POT1: variants seen among roughly 807,000 people sequenced by gnomAD.
The protein encoded by POT1 is protection of telomeres 1, also known as protection of telomeres protein 1.
POT1 carries 47 observed loss-of-function variants against 78.5 expected under a neutral mutation model. That is an observed-to-expected ratio of 0.60 (90% CI 0.47 to 0.76). POT1 has a LOEUF of 0.76. Ranked by LOEUF, POT1 falls within the 30% of genes least tolerant of loss-of-function variation. POT1 has a pLI of 0.00. For missense variants in POT1, 646 were observed against 749.9 expected, an observed-to-expected ratio of 0.86 and a Z score of 1.62; for synonymous variants, 259 against 260.7, an observed-to-expected ratio of 0.99 and a Z score of 0.06.
At chr7:124,889,030 A>C (rs1796308834) in intron 6 of POT1, among the ~76,000 whole-genome samples, 1 of 151,968 alleles carries the variant, frequency 6.6e-6, no homozygotes, top group Non-Finnish European at 1.5e-5. Context: ...AAAGTTACAA[A>C]TGATGAAGCT....
intron 6 of POT1, among the ~76,000 whole-genome samples, chr7:124,873,963 A>G (rs998916320): frequency 4.6e-5 from 7 of 152,182 alleles, no homozygotes; most frequent in Non-Finnish European, 1.0e-4. Context: ...GGGTGAGAGT[A>G]AAAAGTAGGG....
At chr7:124,908,018 T>C (rs1796805882) in intron 3 of POT1, among the ~76,000 whole-genome samples, 1 of 152,006 alleles carries the variant, frequency 6.6e-6, no homozygotes. Context: ...TTGCTAATTT[T>C]TAACAAATAA....
Position 124,851,898 on chromosome 7 carries a change from T to G in POT1, c.923A>C (p.Gln308Pro). 1 of 1,611,056 alleles carries G rather than the reference T, an allele frequency of 6.2e-7. No homozygotes were observed. Among genetic ancestry groups the G allele is most frequent in the Non-Finnish European group, 8.5e-7 (1 of 1,177,490 alleles). ...TANQHSDVICQSEPDDSFPSS... is the reference protein window; with the variant it reads ...TANQHSDVICPSEPDDSFPSS... ...TGGAAAGCTGTCGTCAGGTTCTGAT[T>G]GACAGATAACATCTGAATGCTGATT... The change falls in exon 11 of 19, where the codon CAA (glutamine) becomes CCA (proline). Residue 308 changes from glutamine to proline, a missense_variant. By Grantham distance (76) the Gln-to-Pro change is moderately conservative (BLOSUM62 -1). This residue lies in a region of POT1 where 394 missense variants were observed against 408.4 expected (regional missense o/e 0.96). Transcript: ENST00000357628.
intron 2 of POT1, among the ~76,000 whole-genome samples, chr7:124,927,968 C>T (rs767324616): frequency 4.6e-5 from 7 of 152,130 alleles, no homozygotes; most frequent in Non-Finnish European, 8.8e-5. Flanking sequence ...TTCATATCAT[C>T]AATATGATCT....
At chr7:124,829,101 T>C in intron 16 of POT1, 153 bp downstream of exon 16, 1 of 763,524 alleles carries the variant, frequency 1.3e-6, no homozygotes, top group South Asian at 1.4e-5. Context: ...TTGGCAGATA[T>C]CTTTAAATTT....
intron 9 of POT1, among the ~76,000 whole-genome samples, chr7:124,855,092 G>A (rs952405040): frequency 6.6e-6 from 1 of 151,176 alleles, no homozygotes; most frequent in Non-Finnish European, 1.5e-5. Context: ...ATACGAAAGA[G>A]AACAGTCAAA....
intron 6 of POT1, among the ~76,000 whole-genome samples, chr7:124,889,140 T>C (rs1796310704): frequency 1.3e-5 from 2 of 152,008 alleles, no homozygotes; most frequent in Non-Finnish European, 2.9e-5. Context: ...CTGAAGGAAA[T>C]TAAAGGTGCT....
At chr7:124,838,990 C>A (rs1184877514) in intron 14 of POT1, among the ~76,000 whole-genome samples, 1 of 152,080 alleles carries the variant, frequency 6.6e-6, no homozygotes. Flanking sequence ...AAAAGATTTA[C>A]AATAGCCAAC....
chr7:124,896,032 C>A (rs1796483197), intron 5 of POT1, among the ~76,000 whole-genome samples: 1 of 149,808 alleles, frequency 6.7e-6, no homozygotes, highest in Admixed American at 6.7e-5. Flanking sequence ...ATTCTAAAAA[C>A]ACCCTGGTCC....
intron 6 of POT1, among the ~76,000 whole-genome samples, chr7:124,883,900 G>C (rs1212079142): frequency 1.3e-5 from 2 of 149,448 alleles, no homozygotes; most frequent in African/African-American, 4.9e-5. Flanking sequence ...AAATCAGAAG[G>C]CTCCTAGGTC....
intron 6 of POT1, among the ~76,000 whole-genome samples, chr7:124,871,598 A>G (rs1183715411): frequency 1.3e-5 from 2 of 152,152 alleles, no homozygotes. Flanking sequence ...CACCTATAAA[A>G]AATTATACAT....
intron 12 of POT1, among the ~76,000 whole-genome samples, chr7:124,844,069 T>C (rs188007905): frequency 2.4e-4 from 36 of 152,032 alleles, no homozygotes; most frequent in Non-Finnish European, 3.5e-4. Flanking sequence ...GGAACATTTA[T>C]TACATCAGAG....
At chr7:124,836,900 C>G (rs991486978) in intron 14 of POT1, among the ~76,000 whole-genome samples, 6 of 152,144 alleles carry the variant, frequency 3.9e-5, no homozygotes, top group Non-Finnish European at 8.8e-5. Context: ...GCCACTAATG[C>G]CTAAATCAGT....
intron 18 of POT1, among the ~76,000 whole-genome samples, chr7:124,824,583 A>G (rs66610287): frequency 0.054 from 8,227 of 152,172 alleles, 570 homozygotes; most frequent in African/African-American, 0.16. Flanking sequence ...CTGATTAAAA[A>G]TAGTATATAA....
intron 7 of POT1, among the ~76,000 whole-genome samples, chr7:124,864,645 G>T (rs1795677508): frequency 6.6e-6 from 1 of 151,862 alleles, no homozygotes; most frequent in Non-Finnish European, 1.5e-5. Context: ...GTTCCACTAT[G>T]TACTTTCTAC....
intron 16 of POT1, among the ~76,000 whole-genome samples, chr7:124,828,571 C>T (rs1794686087): frequency 6.6e-6 from 1 of 152,028 alleles, no homozygotes; most frequent in South Asian, 2.1e-4. Context: ...TTCAAAAGGT[C>T]TCAATAGGTT....
At chr7:124,888,178 A>G (rs1004666537) in intron 6 of POT1, among the ~76,000 whole-genome samples, 1 of 152,060 alleles carries the variant, frequency 6.6e-6, no homozygotes, top group Non-Finnish European at 1.5e-5. Flanking sequence ...ATTTCTTTGC[A>G]TGTGGATATA....
chr7:124,893,770 C>A (rs1796428842), intron 5 of POT1, among the ~76,000 whole-genome samples: 1 of 151,536 alleles, frequency 6.6e-6, no homozygotes, highest in South Asian at 2.1e-4. Context: ...CAACTAATGA[C>A]TTACTAATCC....
At chr7:124,894,222 T>A (rs1796438896) in intron 5 of POT1, among the ~76,000 whole-genome samples, 1 of 151,208 alleles carries the variant, frequency 6.6e-6, no homozygotes, top group Non-Finnish European at 1.5e-5. Flanking sequence ...AATTTGCTAA[T>A]CTAATCAAAC....
Sources: gnomAD v4.1 joint callset for allele counts (sites outside exome capture counted in the v4.1 genomes callset) on GRCh38, gnomAD v4.1.1 for gene constraint, gnomAD v4.1.1 regional missense constraint, MANE v1.5 for transcripts, NCBI Gene and HGNC (gene_info 2026-07-23, HGNC 2026-07-21) for gene names.